The following STAM variants were observed in gnomAD, a reference collection of about 807,000 sequenced individuals.
The protein encoded by STAM is signal transducing adapter molecule 1.
A neutral mutation model predicts 63.4 loss-of-function variants in STAM; 16 were observed. The ratio of observed to expected loss-of-function variants is 0.25; its 90% confidence interval spans 0.17 to 0.38. The LOEUF (loss-of-function observed/expected upper bound fraction) is 0.38. Ranked by LOEUF, STAM falls within the 10% of genes least tolerant of loss-of-function variation. The pLI, the probability that STAM is intolerant of heterozygous loss-of-function variation, is 1.00. For synonymous variants in STAM, 238 were observed against 223.9 expected, an observed-to-expected ratio of 1.06 and a Z score of -0.56; for missense variants, 636 against 657.1, an observed-to-expected ratio of 0.97 and a Z score of 0.35.
intron 2 of STAM, among the ~76,000 whole-genome samples, chr10:17,673,229 C>T (rs1406561201): frequency 6.6e-6 from 1 of 152,158 alleles, no homozygotes; most frequent in Non-Finnish European, 1.5e-5. Flanking sequence ...GCGTTTTCCC[C>T]CTCATGGCTT....
chr10:17,680,640 G>T (rs782261486), intron 2 of STAM, among the ~76,000 whole-genome samples: 2 of 151,988 alleles, frequency 1.3e-5, no homozygotes, highest in Non-Finnish European at 2.9e-5. Context: ...CTCCTTGGCT[G>T]GAGCAATCCT....
chr10:17,669,775 G>A (rs1268457511), intron 2 of STAM, among the ~76,000 whole-genome samples: 1 of 149,838 alleles, frequency 6.7e-6, no homozygotes, highest in South Asian at 2.1e-4. Flanking sequence ...TCAGCTCACC[G>A]CAAATGCCGC....
At chr10:17,678,273 AAGAC>A (rs1212778327) in intron 2 of STAM, among the ~76,000 whole-genome samples, 3 of 122,196 alleles carry the variant, frequency 2.5e-5, no homozygotes. Flanking sequence ...TTTTTTTTGG[AAGAC>A]AGAGTCTCGC....
intron 1 of STAM, among the ~76,000 whole-genome samples, chr10:17,657,978 T>C (rs1834009445): frequency 6.6e-6 from 1 of 152,058 alleles, no homozygotes; most frequent in Non-Finnish European, 1.5e-5. Flanking sequence ...GTTTCTGCTC[T>C]AATTTTTGTT....
At chr10:17,671,317 G>C (rs1346319052) in intron 2 of STAM, among the ~76,000 whole-genome samples, 24 of 152,204 alleles carry the variant, frequency 1.6e-4, no homozygotes, top group Admixed American at 1.5e-3. Context: ...AGCTACAGTT[G>C]TAAAAGCAAA....
intron 13 of STAM, among the ~76,000 whole-genome samples, chr10:17,711,668 G>A (rs1351626978): frequency 6.6e-6 from 1 of 152,172 alleles, no homozygotes; most frequent in Non-Finnish European, 1.5e-5. Flanking sequence ...CATGGAGTGA[G>A]CAAAGATGGG....
chr10:17,708,657 A>T (rs191949232), intron 12 of STAM, 119 bp from the exon 13 acceptor site: 35 of 1,068,538 alleles, frequency 3.3e-5, no homozygotes, highest in Admixed American at 9.3e-5. Flanking sequence ...ATAACTTTGA[A>T]AAAAGGATTC....
At chr10:17,704,900 A>T in intron 10 of STAM, 70 bp from the exon 11 acceptor site, 1 of 1,255,426 alleles carries the variant, frequency 8.0e-7, no homozygotes, top group Non-Finnish European at 1.2e-6. Context: ...AAATTATACA[A>T]ATATCTATCA....
intron 2 of STAM, among the ~76,000 whole-genome samples, chr10:17,680,976 G>T (rs1443438719): frequency 6.6e-6 from 1 of 151,990 alleles, no homozygotes; most frequent in Non-Finnish European, 1.5e-5. Flanking sequence ...AGTCCTTTGG[G>T]GTATATACCT....
intron 4 of STAM, among the ~76,000 whole-genome samples, chr10:17,687,678 C>T (rs1004501114): frequency 1.2e-4 from 18 of 152,158 alleles, no homozygotes; most frequent in Admixed American, 2.6e-4. Flanking sequence ...GGAACTGTAT[C>T]ATTTATTCTC....
chr10:17,644,416 G>A, intron 1 of STAM, 37 bp downstream of exon 1: 1 of 1,613,088 alleles, frequency 6.2e-7, no homozygotes, highest in South Asian at 1.1e-5. Flanking sequence ...ATTCCTCACC[G>A]GACTGCACGC....
chr10:17,696,942 C>T lies in STAM; in HGVS notation c.823+73C>T, dbSNP rs1835785049. On this transcript the variant is annotated intron_variant, in intron 8 of 13. Transcript: ENST00000377524. The stretch of plus-strand genomic sequence containing the variant: ...CTTAATGGAAGTTGAGTAAACTGAA[C>T]TTTTTAGAGCAGTGTTGCCCAGGCT... 8.8e-6 allele frequency: 11 copies of T among 1,254,254 alleles called. No homozygotes were observed. The South Asian group carries it at 1.3e-4, about 14-fold the overall frequency. The allele number at this position is 1,254,254 out of a possible 1,614,324, so 77.7% of individuals were successfully genotyped here. A position where few individuals can be genotyped will look rare whatever the true frequency, so the allele number is the denominator to read the frequency against.
chr10:17,672,196 A>ATACTCTTC (rs1834668249), intron 2 of STAM, among the ~76,000 whole-genome samples: 1 of 152,186 alleles, frequency 6.6e-6, no homozygotes, highest in African/African-American at 2.4e-5. Flanking sequence ...ACCGCGCCTA[A>ATACTCTTC]CATTGAGCTA....
chr10:17,644,230 A>AGTCG lies in STAM; in HGVS notation c.-106_-103dup. The AGTCG allele has an allele frequency of 8.4e-7, 1 of 1,183,978 alleles. No homozygotes were observed. The highest frequency in any genetic ancestry group is 1.2e-6 in the Non-Finnish European group (1 of 804,234). 73.3% of individuals were successfully genotyped at this position (1,183,978 alleles called of 1,614,324 possible). ...GGAGGAGCTGTCGCGGACCCTGTAG[A>AGTCG]GTCGGTCTCTGTTGCTCTTTTTGCC... On this transcript the variant is annotated 5_prime_UTR_variant, in exon 1 of 14. Transcript: ENST00000377524.
chr10:17,645,169 G>A (rs937641182), intron 1 of STAM, among the ~76,000 whole-genome samples: 2 of 151,984 alleles, frequency 1.3e-5, no homozygotes, highest in African/African-American at 4.8e-5. Context: ...TAATAATTAT[G>A]GGAATTTGAG....
At chr10:17,703,461 T>C (rs1554828790) in intron 9 of STAM, among the ~76,000 whole-genome samples, 1 of 152,174 alleles carries the variant, frequency 6.6e-6, no homozygotes, top group Non-Finnish European at 1.5e-5. Flanking sequence ...GGATTAGTAG[T>C]CTTTATTTGC....
intron 2 of STAM, among the ~76,000 whole-genome samples, chr10:17,678,482 G>C (rs1834946826): frequency 6.6e-6 from 1 of 152,164 alleles, no homozygotes; most frequent in African/African-American, 2.4e-5. Flanking sequence ...TCGAACTCCT[G>C]ATCTCAGGTG....
chr10:17,696,565 C>G (rs1203583655), intron 7 of STAM: 2 of 475,384 alleles, frequency 4.2e-6, no homozygotes, highest in Admixed American at 3.6e-5. Flanking sequence ...CATTGGCAGT[C>G]AAGAAGATAA....
rs1196865202 is a variant in STAM, at chr10:17,715,833, G to A, written c.*1053G>A. On this transcript the variant is annotated 3_prime_UTR_variant, in exon 14 of 14. Transcript: ENST00000377524. Reference sequence around the variant, plus strand: ...GATTCGTCTGTCTAATCCCTTGCTAGTATTTTAAATATGTCTTTAACACAT... The same window carrying A: ...GATTCGTCTGTCTAATCCCTTGCTAATATTTTAAATATGTCTTTAACACAT... 4 of 152,576 alleles carry A rather than the reference G, an allele frequency of 2.6e-5. No individual in the cohort carries two copies. Among genetic ancestry groups the A allele is most frequent in the Non-Finnish European group, 4.4e-5 (3 of 68,002 alleles). The allele number at this position is 152,576 out of a possible 1,614,324, so 9.5% of individuals were successfully genotyped here. A position where few individuals can be genotyped will look rare whatever the true frequency, so the allele number is the denominator to read the frequency against.
Sources: gnomAD v4.1 joint callset for allele counts (sites outside exome capture counted in the v4.1 genomes callset) on GRCh38, gnomAD v4.1.1 for gene constraint, MANE v1.5 for transcripts, NCBI Gene and HGNC (gene_info 2026-07-23, HGNC 2026-07-21) for gene names.